Variants in CTDSPL observed in about 807,000 individuals in gnomAD.
The protein encoded by CTDSPL is CTD small phosphatase-like protein.
CTDSPL carries 8 observed loss-of-function variants against 30.5 expected under a neutral mutation model. The ratio of observed to expected loss-of-function variants is 0.26; its 90% CI spans 0.15 to 0.47. The LOEUF (loss-of-function observed/expected upper bound fraction) is 0.47. Ranked by LOEUF, CTDSPL falls within the 20% of genes least tolerant of loss-of-function variation. The pLI, the probability that CTDSPL is intolerant of heterozygous loss-of-function variation, is 0.99. For synonymous variants in CTDSPL, 110 were observed against 137.9 expected, an observed-to-expected ratio of 0.80 and a Z score of 1.42; for missense variants, 248 against 366.1, an observed-to-expected ratio of 0.68 and a Z score of 2.63.
intron 1 of CTDSPL, chr3:37,911,746 G>GT (rs1161560858): frequency 2.2e-6 from 1 of 456,298 alleles, no homozygotes; most frequent in Non-Finnish European, 4.4e-6. Context: ...TGGGTGGCAG[G>GT]TGTAACCCTC....
At chr3:37,879,713 G>C (rs1443341781) in intron 1 of CTDSPL, among the ~76,000 whole-genome samples, 1 of 152,178 alleles carries the variant, frequency 6.6e-6, no homozygotes, top group Non-Finnish European at 1.5e-5. Context: ...GCAGCAAATA[G>C]AGTATAAGGA....
At chr3:37,932,594 A>G (rs994560347) in intron 1 of CTDSPL, among the ~76,000 whole-genome samples, 1 of 152,262 alleles carries the variant, frequency 6.6e-6, no homozygotes, top group Admixed American at 6.5e-5. Flanking sequence ...TGGCAGTCAA[A>G]GAAATGCAAA....
At chr3:37,964,264 A>G (rs946977069) in intron 3 of CTDSPL, among the ~76,000 whole-genome samples, 4 of 152,142 alleles carry the variant, frequency 2.6e-5, no homozygotes, top group African/African-American at 2.4e-5. Context: ...TTTTATTGCC[A>G]TTATAACTGA....
intron 1 of CTDSPL, among the ~76,000 whole-genome samples, chr3:37,868,343 A>G (rs1698035969): frequency 1.3e-5 from 2 of 151,910 alleles, no homozygotes; most frequent in African/African-American, 4.8e-5. Context: ...GTTTGCAAGT[A>G]TTTCTTCTAG....
intron 1 of CTDSPL, among the ~76,000 whole-genome samples, chr3:37,904,377 G>A (rs758642570): frequency 3.9e-5 from 6 of 152,112 alleles, no homozygotes; most frequent in Admixed American, 6.5e-5. Flanking sequence ...GAAAGGACCC[G>A]CCCAGTGGAT....
At chr3:37,954,526 AT>A (rs1222029834) in intron 2 of CTDSPL, 1 of 152,352 alleles carries the variant, frequency 6.6e-6, no homozygotes, top group Non-Finnish European at 1.5e-5. Context: ...TTCCAGGCCC[AT>A]TTCTACTGCT....
At chr3:37,956,148 CT>C (rs1699170266) in intron 2 of CTDSPL, among the ~76,000 whole-genome samples, 1 of 152,204 alleles carries the variant, frequency 6.6e-6, no homozygotes, top group Non-Finnish European at 1.5e-5. Context: ...GAGGTGATGA[CT>C]AGGGGTTGGA....
intron 1 of CTDSPL, among the ~76,000 whole-genome samples, chr3:37,920,008 A>C (rs1399074483): frequency 6.6e-6 from 1 of 152,170 alleles, no homozygotes; most frequent in Non-Finnish European, 1.5e-5. Flanking sequence ...TATATGCTAT[A>C]AAAAACCACC....
At chr3:37,935,153 A>G (rs1323260595) in intron 1 of CTDSPL, among the ~76,000 whole-genome samples, 2 of 152,172 alleles carry the variant, frequency 1.3e-5, no homozygotes, top group African/African-American at 4.8e-5. Flanking sequence ...TTGGACATTC[A>G]TATTGTTTGC....
Position 37,983,621 on chromosome 3 carries a change from A to G in CTDSPL, c.*2754A>G, listed in dbSNP as rs1476002206. On this transcript the variant is annotated 3_prime_UTR_variant, in exon 8 of 8. Coordinates refer to ENST00000273179, the MANE Select transcript of CTDSPL (RefSeq NM_001008392.2). Reference sequence around the variant, plus strand: ...AGTCTTCTGGAGAAGTATTTTTGACATTGAGCTCTGGGACAGGACACCTTG... The same window carrying G: ...AGTCTTCTGGAGAAGTATTTTTGACGTTGAGCTCTGGGACAGGACACCTTG... 6.6e-6 allele frequency: 1 copy of G among 152,458 alleles called. No homozygotes were observed. The highest frequency in any genetic ancestry group is 2.4e-5 in the African/African-American group (1 of 41,388). The allele number at this position is 152,458 out of a possible 1,614,324, so 9.4% of individuals were successfully genotyped here. A position where few individuals can be genotyped will look rare whatever the true frequency, so the allele number is the denominator to read the frequency against.
chr3:37,943,456 C>G (rs569854873), intron 1 of CTDSPL, among the ~76,000 whole-genome samples: 5 of 149,886 alleles, frequency 3.3e-5, no homozygotes, highest in Non-Finnish European at 6.0e-5. Flanking sequence ...GGGAGGTTAT[C>G]AGGGAAAAGT....
rs953597161 is a variant in CTDSPL, at chr3:37,983,365, G to A, written c.*2498G>A. ...TGAAGCAATAGAATTCTAACATAAG[G>A]CCAAGAAATGAGACGAATGTTTGGG... On this transcript the variant is annotated 3_prime_UTR_variant, in exon 8 of 8. Transcript: ENST00000273179. 1 of 152,428 alleles carries A rather than the reference G, an allele frequency of 6.6e-6. No individual in the cohort carries two copies. Among genetic ancestry groups the A allele is most frequent in the Non-Finnish European group, 1.5e-5 (1 of 67,996 alleles). The allele number at this position is 152,428 out of a possible 1,614,324, so 9.4% of individuals were successfully genotyped here.
At chr3:37,865,599 A>T (rs1200751507) in intron 1 of CTDSPL, among the ~76,000 whole-genome samples, 1 of 152,200 alleles carries the variant, frequency 6.6e-6, no homozygotes, top group Non-Finnish European at 1.5e-5. Context: ...ATAGGAGTTT[A>T]TTCTTCCCAC....
intron 3 of CTDSPL, among the ~76,000 whole-genome samples, chr3:37,958,325 G>A (rs1699198313): frequency 6.6e-6 from 1 of 152,170 alleles, no homozygotes. Context: ...GAGAAAACTG[G>A]CTTTGATCAA....
chr3:37,879,425 A>T (rs893593146), intron 1 of CTDSPL, among the ~76,000 whole-genome samples: 4 of 152,220 alleles, frequency 2.6e-5, no homozygotes, highest in Admixed American at 2.6e-4. Flanking sequence ...TGGATTAAAG[A>T]TGTTTCTCAG....
chr3:37,868,851 CT>C (rs1479555036), intron 1 of CTDSPL, among the ~76,000 whole-genome samples: 2 of 152,054 alleles, frequency 1.3e-5, no homozygotes, highest in Non-Finnish European at 2.9e-5. Flanking sequence ...ATGCTTCCAA[CT>C]TTTGTTCTTT....
At chr3:37,903,694 C>T (rs1342523690) in intron 1 of CTDSPL, among the ~76,000 whole-genome samples, 2 of 152,206 alleles carry the variant, frequency 1.3e-5, no homozygotes, top group Non-Finnish European at 2.9e-5. Context: ...AGACTCCTCT[C>T]AATTTGAGCT....
chr3:37,891,050 A>G (rs1487528481), intron 1 of CTDSPL, among the ~76,000 whole-genome samples: 1 of 152,172 alleles, frequency 6.6e-6, no homozygotes, highest in African/African-American at 2.4e-5. Flanking sequence ...CCCCAGGGGT[A>G]GAGTTAACCA....
intron 2 of CTDSPL, among the ~76,000 whole-genome samples, chr3:37,947,930 A>G (rs892113468): frequency 6.6e-6 from 1 of 152,234 alleles, no homozygotes; most frequent in African/African-American, 2.4e-5. Flanking sequence ...TAGGTCAAAA[A>G]CCAAAATCTA....
Sources: allele counts gnomAD v4.1 joint callset (sites outside exome capture counted in the v4.1 genomes callset), GRCh38; gene constraint gnomAD v4.1.1; transcripts MANE v1.5; gene names NCBI Gene and HGNC (gene_info 2026-07-23, HGNC 2026-07-21).